Variants in NIBAN1 observed in about 807,000 individuals in gnomAD.
NIBAN1 encodes the protein niban apoptosis regulator 1.
In NIBAN1, 81 loss-of-function variants were observed where a neutral mutation model predicts 75.1. That is an observed-to-expected ratio of 1.08 (90% CI 0.90 to 1.30). The LOEUF is 1.30. NIBAN1 is among the 50% of genes most tolerant of loss of function. NIBAN1 has a pLI of 0.00. For synonymous variants in NIBAN1, 436 were observed against 424.8 expected (o/e 1.03, Z -0.32); for missense variants, 1,133 against 1,128.1 (o/e 1.00, Z -0.06).
chr1:184,952,148 C>T (rs1448137647), intron 1 of NIBAN1, among the ~76,000 whole-genome samples: 2 of 152,330 alleles, frequency 1.3e-5, no homozygotes, highest in East Asian at 3.9e-4. Flanking sequence ...CGCCTATAAT[C>T]CCAGCACTTT....
At chr1:184,872,691 GA>G (rs1294371786) in intron 5 of NIBAN1, among the ~76,000 whole-genome samples, 1 of 150,232 alleles carries the variant, frequency 6.7e-6, no homozygotes, top group Non-Finnish European at 1.5e-5. Flanking sequence ...TGGGCAACAA[GA>G]GGGAAACTCT....
At chr1:184,956,568 TCAAAATGA>T (rs1276696751) in intron 1 of NIBAN1, among the ~76,000 whole-genome samples, 1 of 152,182 alleles carries the variant, frequency 6.6e-6, no homozygotes, top group Non-Finnish European at 1.5e-5. Context: ...TAGCACTTCT[TCAAAATGA>T]CAGTAGTTAT....
chr1:184,853,756 T>C (rs1183905401), intron 5 of NIBAN1, among the ~76,000 whole-genome samples: 1 of 152,082 alleles, frequency 6.6e-6, no homozygotes, highest in Non-Finnish European at 1.5e-5. Context: ...CACATGTGCA[T>C]ACACACAAAC....
At chr1:184,931,114 C>A (rs1013993940) in intron 1 of NIBAN1, among the ~76,000 whole-genome samples, 1 of 151,396 alleles carries the variant, frequency 6.6e-6, no homozygotes, top group African/African-American at 2.4e-5. Context: ...ATTCTCCTGC[C>A]TCAGCCTCTC....
chr1:184,902,932 A>T (rs1407335037), intron 1 of NIBAN1, among the ~76,000 whole-genome samples: 1 of 152,252 alleles, frequency 6.6e-6, no homozygotes, highest in Non-Finnish European at 1.5e-5. Context: ...TGCCTGACAC[A>T]TATTAGTTGA....
At chr1:184,963,075 C>T (rs1658693351) in intron 1 of NIBAN1, among the ~76,000 whole-genome samples, 1 of 151,666 alleles carries the variant, frequency 6.6e-6, no homozygotes, top group South Asian at 2.1e-4. Flanking sequence ...GAAAAAAATA[C>T]ATAAGCAAAT....
At chr1:184,837,821 C>A (rs1379730413) in intron 5 of NIBAN1, among the ~76,000 whole-genome samples, 1 of 152,162 alleles carries the variant, frequency 6.6e-6, no homozygotes, top group Non-Finnish European at 1.5e-5. Flanking sequence ...ACTCTTCTTC[C>A]ATATGGTAAC....
intron 5 of NIBAN1, among the ~76,000 whole-genome samples, chr1:184,878,549 G>A (rs746044758): frequency 1.8e-4 from 28 of 152,116 alleles, no homozygotes; most frequent in Non-Finnish European, 3.8e-4. Context: ...GTTAGCCTGT[G>A]GACAAAATAC....
chr1:184,963,999 A>G (rs1286535691), intron 1 of NIBAN1, among the ~76,000 whole-genome samples: 1 of 152,138 alleles, frequency 6.6e-6, no homozygotes, highest in East Asian at 1.9e-4. Flanking sequence ...AGCAATAATA[A>G]CTAAATCGGT....
intron 11 of NIBAN1, among the ~76,000 whole-genome samples, chr1:184,805,426 A>G (rs1202265500): frequency 6.6e-6 from 1 of 152,232 alleles, no homozygotes; most frequent in Non-Finnish European, 1.5e-5. Context: ...AAAATATAAC[A>G]TATATGTGAA....
intron 1 of NIBAN1, among the ~76,000 whole-genome samples, chr1:184,946,080 T>G (rs536606444): frequency 6.6e-6 from 1 of 151,750 alleles, no homozygotes; most frequent in South Asian, 2.1e-4. Context: ...ACAGATAGAT[T>G]GAGACCTATA....
chr1:184,884,380 C>T (rs191500150), intron 5 of NIBAN1, among the ~76,000 whole-genome samples: 3 of 151,934 alleles, frequency 2.0e-5, no homozygotes, highest in South Asian at 2.1e-4. Context: ...CCCACCACCA[C>T]GTCCAGCTAT....
chr1:184,815,222 T>C (rs891726363), intron 9 of NIBAN1, among the ~76,000 whole-genome samples: 3 of 152,236 alleles, frequency 2.0e-5, no homozygotes, highest in Non-Finnish European at 4.4e-5. Flanking sequence ...TAGATTATTA[T>C]GCTACAATGT....
In NIBAN1 at chr1:184,897,431, G is replaced by A. The variant is rs979097193; in HGVS notation, c.186+1748C>T. On this transcript the variant is annotated intron_variant, in intron 2 of 13. Coordinates refer to ENST00000367511, the MANE Select transcript of NIBAN1 (RefSeq NM_052966.4). ...TGATTTTTCTCCTACTCCATAGACC[G>A]TTTCTTCTTAGTCCATTTTGCTGGA... Among the ~76,000 whole-genome samples the A allele has an allele frequency of 3.9e-5, 6 of 151,938 alleles. No homozygotes were observed. In the South Asian group the frequency reaches 6.2e-4, roughly 16 times the overall value.
chr1:184,906,492 T>G (rs1368265532), intron 1 of NIBAN1, among the ~76,000 whole-genome samples: 1 of 151,926 alleles, frequency 6.6e-6, no homozygotes, highest in Non-Finnish European at 1.5e-5. Flanking sequence ...TAGCCAGGCG[T>G]GGTGGCGCAT....
rs975052278 is a variant in NIBAN1 at position 184,794,753 on chromosome 1, T to C, written c.*224A>G. Reference sequence around the variant, plus strand: ...CACCCCAAGTATGCCATTGTCTTTGTAATTCTTATTAAAATACTAAAGCAA... The same window carrying C: ...CACCCCAAGTATGCCATTGTCTTTGCAATTCTTATTAAAATACTAAAGCAA... On this transcript the variant is annotated 3_prime_UTR_variant, in exon 14 of 14. Coordinates refer to ENST00000367511, the MANE Select transcript of NIBAN1 (RefSeq NM_052966.4). The C allele has an allele frequency of 2.3e-5, 14 of 616,288 alleles. No individual in the cohort carries two copies. Among genetic ancestry groups the C allele is most frequent in the Admixed American group, 5.5e-5 (2 of 36,620 alleles). The allele number at this position is 616,288 out of a possible 1,614,324, so 38.2% of individuals were successfully genotyped here.
intron 1 of NIBAN1, among the ~76,000 whole-genome samples, chr1:184,956,498 G>A (rs970402432): frequency 1.3e-5 from 2 of 152,158 alleles, no homozygotes; most frequent in African/African-American, 4.8e-5. Flanking sequence ...TTGTGACTTT[G>A]TCACCAATAG....
chr1:184,862,794 T>C (rs955443441), intron 5 of NIBAN1, among the ~76,000 whole-genome samples: 11 of 152,044 alleles, frequency 7.2e-5, no homozygotes, highest in African/African-American at 2.7e-4. Context: ...ATCAGAATAT[T>C]GATAATTGTA....
chr1:184,916,688 T>G (rs1307596386), intron 1 of NIBAN1, among the ~76,000 whole-genome samples: 1 of 152,122 alleles, frequency 6.6e-6, no homozygotes, highest in Non-Finnish European at 1.5e-5. Context: ...TATTTTATAT[T>G]TATAATAAGA....
Sources: allele counts gnomAD v4.1 joint callset (sites outside exome capture counted in the v4.1 genomes callset), GRCh38; gene constraint gnomAD v4.1.1; transcripts MANE v1.5; gene names NCBI Gene and HGNC (gene_info 2026-07-23, HGNC 2026-07-21).